PIWIL1: variants seen among roughly 807,000 people sequenced by gnomAD.
The protein encoded by PIWIL1 is piwi-like protein 1.
A neutral mutation model predicts 114.4 loss-of-function variants in PIWIL1; 73 were observed. That is an observed-to-expected ratio of 0.64 (90% CI 0.53 to 0.78). PIWIL1 has a LOEUF of 0.78. Among genes scored for constraint, PIWIL1 ranks in the 30% least tolerant of loss-of-function variants. The pLI is 0.00. For synonymous variants in PIWIL1, 375 were observed against 369.0 expected, an observed-to-expected ratio of 1.02 and a Z score of -0.19; for missense variants, 723 against 1,063.1, an observed-to-expected ratio of 0.68 and a Z score of 4.45.
intron 12 of PIWIL1, among the ~76,000 whole-genome samples, chr12:130,356,350 C>G (rs1413805187): frequency 6.6e-6 from 1 of 150,820 alleles, no homozygotes; most frequent in Non-Finnish European, 1.5e-5. Context: ...AGTGATCTCA[C>G]AATGTAATTT....
Position 130,371,279 on chromosome 12 carries a change from C to G in PIWIL1, c.2425C>G (p.Gln809Glu). The G allele has an allele frequency of 6.2e-7, 1 of 1,614,182 alleles. No individual in the cohort carries two copies. Among genetic ancestry groups the G allele is most frequent in the Non-Finnish European group, 8.5e-7 (1 of 1,180,006 alleles). Residue 809 changes from glutamine (Q) to glutamate (E), a missense_variant, in exon 20 of 21, where the codon CAG becomes GAG. Transcript: ENST00000245255. ...DNSGLKPDHI[Q>E]RLTYKLCHIY... ...CAGCGGCCTGAAGCCAGACCACATA[C>G]AGCGCTTGACCTACAAGCTGTGCCA... is the stretch of plus-strand genomic sequence containing the variant.
the PIWIL1 span, among the ~76,000 whole-genome samples, chr12:130,395,109 G>A: frequency 6.6e-6 from 1 of 152,122 alleles, no homozygotes; most frequent in Admixed American, 6.5e-5. Context: ...GCGGGAGGAA[G>A]GGTTGGAGCC....
At chr12:130,397,743 T>C in the PIWIL1 span, 3 of 378,194 alleles carry the variant, frequency 7.9e-6, no homozygotes, top group Non-Finnish European at 1.4e-5. Flanking sequence ...CAGACATAAA[T>C]GTGTGGGTTC....
At chr12:130,354,815 C>T in intron 10 of PIWIL1, 73 bp from the exon 11 acceptor site, 2 of 1,378,334 alleles carry the variant, frequency 1.5e-6, no homozygotes, top group South Asian at 2.6e-5. Context: ...CACTCACCAT[C>T]ACCCTATACT....
the PIWIL1 span, among the ~76,000 whole-genome samples, chr12:130,402,228 G>A: frequency 2.0e-5 from 3 of 152,152 alleles, no homozygotes; most frequent in Non-Finnish European, 2.9e-5. Flanking sequence ...GTTTGGAGAG[G>A]CTCAGAGGTC....
chr12:130,361,483 A>T lies in PIWIL1; in HGVS notation c.1867-15A>T. The T allele has an allele frequency of 6.2e-7, 1 of 1,613,494 alleles. No homozygotes were observed. The highest frequency in any genetic ancestry group is 8.5e-7 in the Non-Finnish European group (1 of 1,179,394). On this transcript the variant is annotated splice_polypyrimidine_tract_variant and intron_variant, in intron 15 of 20. Transcript: ENST00000245255. Reference sequence around the variant, plus strand: ...GTACTCCATTGTATCTAAAATTACCATATTTGTATTGAAGCTGAAGCTCGT... The same window carrying T: ...GTACTCCATTGTATCTAAAATTACCTTATTTGTATTGAAGCTGAAGCTCGT...
chr12:130,343,298 T>C (rs1462787571), intron 3 of PIWIL1, among the ~76,000 whole-genome samples, 197 bp downstream of exon 3: 1 of 152,230 alleles, frequency 6.6e-6, no homozygotes, highest in Non-Finnish European at 1.5e-5. Flanking sequence ...TCAGTCTTCA[T>C]TAATAAATGA....
At chr12:130,345,512 T>G (rs2073046213) in intron 3 of PIWIL1, 1 of 402,988 alleles carries the variant, frequency 2.5e-6, no homozygotes, top group African/African-American at 2.0e-5. Context: ...GCACATCTCT[T>G]GAAAGGGTGC....
chr12:130,384,457 A>T, the PIWIL1 span, among the ~76,000 whole-genome samples: 3 of 152,224 alleles, frequency 2.0e-5, no homozygotes, highest in Non-Finnish European at 4.4e-5. Context: ...AAGGACGCTG[A>T]GTACCAGCAC....
chr12:130,387,654 C>T, the PIWIL1 span, among the ~76,000 whole-genome samples: 1 of 139,926 alleles, frequency 7.1e-6, no homozygotes, highest in African/African-American at 2.7e-5. Context: ...ACCACCCCTT[C>T]CTGTCTCCAT....
At chr12:130,421,245 G>A in the PIWIL1 span, among the ~76,000 whole-genome samples, 1 of 152,212 alleles carries the variant, frequency 6.6e-6, no homozygotes, top group Non-Finnish European at 1.5e-5. Context: ...AGGAATCTGG[G>A]CTCCACTAAC....
intron 3 of PIWIL1, 129 bp downstream of exon 3, chr12:130,343,230 C>A: frequency 1.7e-6 from 1 of 598,738 alleles, no homozygotes; most frequent in Non-Finnish European, 3.0e-6. Context: ...AATGTTGCCA[C>A]AACACACAAA....
rs756491496 is a variant in PIWIL1, at chr12:130,355,537, T to C, written c.1290-16T>C. ...GTCTCTTTGTTGAGTCGCATGTAAA[T>C]GTGTTAAATTTACAGAAACGATAAT... On this transcript the variant is annotated splice_polypyrimidine_tract_variant and intron_variant, in intron 11 of 20. Transcript: ENST00000245255. 3.8e-6 allele frequency: 6 copies of C among 1,558,902 alleles called. No individual in the cohort carries two copies. The highest frequency in any genetic ancestry group is 2.2e-5 in the East Asian group (1 of 44,644).
the PIWIL1 span, chr12:130,424,454 G>A: frequency 8.3e-5 from 102 of 1,232,124 alleles, 1 homozygote; most frequent in South Asian, 8.6e-4. The surrounding 1 kb of genome is among the most constrained non-coding windows in gnomAD (Gnocchi z 9.8). Context: ...GGCTGCACGC[G>A]GCCACGGTGT....
At position 130,346,817 on chromosome 12, in the gene PIWIL1, A is replaced by T. The variant is rs990091898; in HGVS notation, c.532-124A>T. The T allele has an allele frequency of 6.4e-6, 8 of 1,245,842 alleles. No homozygotes were observed. The African/African-American group carries it at 9.5e-5, about 15-fold the overall frequency. The allele number at this position is 1,245,842 out of a possible 1,614,324, so 77.2% of individuals were successfully genotyped here. On this transcript the variant is annotated intron_variant, in intron 5 of 20. Transcript: ENST00000245255. ...GCCACTCTTTTTCTCAGAGCCATTT[A>T]AAAAAAATCCAGTTAAAACATTTTA... is the stretch of plus-strand genomic sequence containing the variant.
intron 19 of PIWIL1, 40 bp downstream of exon 19, chr12:130,367,298 G>A (rs747814175): frequency 2.5e-6 from 4 of 1,577,812 alleles, no homozygotes; most frequent in South Asian, 2.3e-5. Flanking sequence ...TTTTCTCCTT[G>A]GTGGTGGTTT....
the PIWIL1 span, chr12:130,424,802 G>A: frequency 1.2e-4 from 151 of 1,232,728 alleles, 1 homozygote; most frequent in South Asian, 5.2e-3. This position sits in a 1 kb window ranked among gnomAD's most constrained non-coding sequence, Gnocchi z 9.8. Flanking sequence ...GGGGCTGGTG[G>A]GGAAACTCGG....
At position 130,346,491 on chromosome 12, in the gene PIWIL1, TTCAGC is replaced by T; in HGVS notation, c.441_445del (p.Ala148SerfsTer15). The T allele has an allele frequency of 6.2e-7, 1 of 1,613,854 alleles. No homozygotes were observed. Among genetic ancestry groups the T allele is most frequent in the Non-Finnish European group, 8.5e-7 (1 of 1,179,716 alleles). ...CACTGATGGAAGCCAGAAGACTCCG[TTCAGC>T]TCTTCTTTTTCAACACGAAGATCTA... On this transcript the variant is annotated frameshift_variant, in exon 5 of 21. Transcript: ENST00000245255. LOFTEE classifies it high-confidence loss of function.
At chr12:130,408,061 A>T in the PIWIL1 span, among the ~76,000 whole-genome samples, 1 of 152,164 alleles carries the variant, frequency 6.6e-6, no homozygotes, top group Admixed American at 6.5e-5. Context: ...TTAGACTAAC[A>T]TGAACCTTTT....
Sources: allele counts gnomAD v4.1 joint callset (sites outside exome capture counted in the v4.1 genomes callset), GRCh38; gene constraint gnomAD v4.1.1; non-coding constraint Gnocchi (gnomAD v3.1); transcripts MANE v1.5; gene names NCBI Gene and HGNC (gene_info 2026-07-23, HGNC 2026-07-21).